Variants in MAD1L1 observed in about 807,000 individuals in gnomAD.
The protein encoded by MAD1L1 is mitotic arrest deficient 1 like 1, also known as mitotic spindle assembly checkpoint protein MAD1.
A neutral mutation model predicts 96.9 loss-of-function variants in MAD1L1; 95 were observed. The observed-to-expected ratio is 0.98, with a 90% CI of 0.83 to 1.16. MAD1L1 has a LOEUF of 1.16. MAD1L1 is among the 50% of genes most tolerant of loss of function. The pLI is 0.00. For missense variants in MAD1L1, 1,007 were observed against 954.4 expected, an observed-to-expected ratio of 1.06 and a Z score of -0.73; for synonymous variants, 473 against 396.6, an observed-to-expected ratio of 1.19 and a Z score of -2.29.
At chr7:1,930,688 C>T (rs1233284627) in intron 17 of MAD1L1, among the ~76,000 whole-genome samples, 1 of 151,088 alleles carries the variant, frequency 6.6e-6, no homozygotes, top group Non-Finnish European at 1.5e-5. Context: ...GAAGAGACAT[C>T]TGCTGACCCC....
chr7:2,176,102 C>T (rs1409510064), intron 10 of MAD1L1, among the ~76,000 whole-genome samples: 1 of 152,210 alleles, frequency 6.6e-6, no homozygotes, highest in Non-Finnish European at 1.5e-5. Flanking sequence ...AATCTCAGCA[C>T]TTTGGGAGGC....
In MAD1L1 at chr7:2,070,141, G is replaced by A. The variant is rs548311921; in HGVS notation, c.1074-803C>T. ...TCCGAGTTCGTGGCCTGGCAGTAGC[G>A]GGCCTCAGGGGTTTGGATCTTGCCC... On this transcript the variant is annotated intron_variant, in intron 11 of 18. Coordinates refer to ENST00000265854, the MANE Select transcript of MAD1L1 (RefSeq NM_001013836.2). 5.3e-5 allele frequency among the ~76,000 whole-genome samples: 8 copies of A among 152,346 alleles called. No homozygotes were observed. The South Asian group carries it at 1.7e-3, about 32-fold the overall frequency.
At chr7:1,830,148 G>T (rs1782633886) in intron 18 of MAD1L1, among the ~76,000 whole-genome samples, 1 of 152,210 alleles carries the variant, frequency 6.6e-6, no homozygotes, top group Non-Finnish European at 1.5e-5. Flanking sequence ...TGTAATCCCA[G>T]CACTGTGGGA....
At chr7:1,985,839 T>G (rs953952796) in intron 14 of MAD1L1, among the ~76,000 whole-genome samples, 1 of 152,082 alleles carries the variant, frequency 6.6e-6, no homozygotes, top group African/African-American at 2.4e-5. Context: ...TCCTGTCTCA[T>G]GCAACCCCCG....
intron 14 of MAD1L1, among the ~76,000 whole-genome samples, chr7:1,993,068 G>T (rs1158610377): frequency 6.6e-6 from 1 of 152,192 alleles, no homozygotes; most frequent in Non-Finnish European, 1.5e-5. Flanking sequence ...CTTTCTCGTG[G>T]TTATTATAGA....
At chr7:1,940,964 G>GCCGGCCTCACCCTCCTCTTCCTCTCC (rs1778941363) in intron 16 of MAD1L1, among the ~76,000 whole-genome samples, 6 of 64,320 alleles carry the variant, frequency 9.3e-5, no homozygotes, top group East Asian at 4.0e-4. Flanking sequence ...TCCTCCCCCC[G>GCCGGCCTCACCCTCCTCTTCCTCTCC]CAGGCCTCAC....
chr7:2,105,937 C>T (rs999846176), intron 11 of MAD1L1, among the ~76,000 whole-genome samples: 4 of 151,810 alleles, frequency 2.6e-5, no homozygotes, highest in African/African-American at 4.8e-5. Flanking sequence ...TATCCAGCTG[C>T]GGCCCCACAA....
rs550757048 is a variant in MAD1L1 at position 1,864,288 on chromosome 7, T to C, written c.1998+33912A>G. ...GGAGGGGAGGCGGCTGCAGGGCTCATGGCCTGTCTCAGCTCAGCACTGGCT... is the reference window on the plus strand; with the variant it reads ...GGAGGGGAGGCGGCTGCAGGGCTCACGGCCTGTCTCAGCTCAGCACTGGCT... On this transcript the variant is annotated intron_variant, in intron 18 of 18. Coordinates refer to ENST00000265854, the MANE Select transcript of MAD1L1 (RefSeq NM_001013836.2). Among the ~76,000 whole-genome samples, 18 of 152,232 alleles carry C rather than the reference T, an allele frequency of 1.2e-4. No homozygotes were observed. In the South Asian group the frequency reaches 2.3e-3, roughly 19 times the overall value.
At position 2,090,147 on chromosome 7, in the gene MAD1L1, G is replaced by A. The variant is rs555283619; in HGVS notation, c.1074-20809C>T. 1.1e-4 allele frequency among the ~76,000 whole-genome samples: 17 copies of A among 152,344 alleles called. No homozygotes were observed. In the South Asian group the frequency reaches 2.9e-3, roughly 26 times the overall value. On this transcript the variant is annotated intron_variant, in intron 11 of 18. Coordinates refer to ENST00000265854, the MANE Select transcript of MAD1L1 (RefSeq NM_001013836.2). ...CCTCACCAAACACATCCAAATGGTC[G>A]GTAAGGGGCCTCAAAGGCTAGTGCC...
intron 18 of MAD1L1, among the ~76,000 whole-genome samples, chr7:1,894,971 C>T (rs569547300): frequency 1.6e-4 from 24 of 152,240 alleles, no homozygotes; most frequent in Non-Finnish European, 2.9e-4. Context: ...CAAGGGACAA[C>T]GAACCCAACA....
intron 4 of MAD1L1, 118 bp from the exon 5 acceptor site, chr7:2,222,872 C>T (rs1366824600): frequency 4.8e-6 from 4 of 835,370 alleles, no homozygotes; most frequent in Non-Finnish European, 7.2e-6. Flanking sequence ...CGAGCAGGAC[C>T]CATGAGCCAA....
chr7:2,230,770 G>A (rs752432549), intron 1 of MAD1L1, 43 bp from the exon 2 acceptor site: 1 of 152,684 alleles, frequency 6.5e-6, no homozygotes, highest in Non-Finnish European at 1.5e-5. Flanking sequence ...AGCTCCTGCA[G>A]GCAGATGGAC....
chr7:1,927,090 C>G (rs765711921), intron 17 of MAD1L1, among the ~76,000 whole-genome samples: 12 of 152,144 alleles, frequency 7.9e-5, no homozygotes, highest in Non-Finnish European at 1.5e-5. Context: ...GCACTGAACA[C>G]CTGGGACCCA....
At chr7:2,150,817 C>T (rs6461188) in intron 10 of MAD1L1, among the ~76,000 whole-genome samples, 36,518 of 152,144 alleles carry the variant, frequency 0.24, 5,496 homozygotes, top group African/African-American at 0.42. Context: ...CTCCCTTCCA[C>T]GTCCCCCAGA....
Position 2,060,099 on chromosome 7 carries a change from CGA to C in MAD1L1, c.1218+9093_1218+9094del, listed in dbSNP as rs1784574814. 2.0e-5 allele frequency among the ~76,000 whole-genome samples: 3 copies of C among 148,140 alleles called. No homozygotes were observed. The South Asian group carries it at 6.6e-4, about 33-fold the overall frequency. ...CGCTGATGCCAAGATACGCTGATGC[CGA>C]GATACGCCGAAGCCAAGATGCCGAG... On this transcript the variant is annotated intron_variant, in intron 12 of 18. Transcript: ENST00000265854.
At chr7:2,108,709 C>G (rs1382319575) in intron 11 of MAD1L1, among the ~76,000 whole-genome samples, 1 of 152,202 alleles carries the variant, frequency 6.6e-6, no homozygotes, top group African/African-American at 2.4e-5. Context: ...GGCTTTCTCT[C>G]TAAGGTCAGT....
intron 11 of MAD1L1, among the ~76,000 whole-genome samples, chr7:2,123,551 C>A (rs1788082594): frequency 6.6e-6 from 1 of 152,096 alleles, no homozygotes; most frequent in Non-Finnish European, 1.5e-5. Context: ...GGAGAGCACC[C>A]CAGTCCACCC....
At chr7:2,116,382 A>G (rs528673264) in intron 11 of MAD1L1, among the ~76,000 whole-genome samples, 3 of 152,316 alleles carry the variant, frequency 2.0e-5, no homozygotes, top group Admixed American at 2.0e-4. Flanking sequence ...CGCTTCCTGA[A>G]CGGGAGCGAC....
At chr7:2,028,760 T>A (rs1180736978) in intron 12 of MAD1L1, among the ~76,000 whole-genome samples, 1 of 151,666 alleles carries the variant, frequency 6.6e-6, no homozygotes, top group Non-Finnish European at 1.5e-5. Context: ...AAACAGCCAA[T>A]ACAGACAGAG....
Sources: gnomAD v4.1 joint callset for allele counts (sites outside exome capture counted in the v4.1 genomes callset) on GRCh38, gnomAD v4.1.1 for gene constraint, MANE v1.5 for transcripts, NCBI Gene and HGNC (gene_info 2026-07-23, HGNC 2026-07-21) for gene names.